The following TEX15 variants were observed in gnomAD, a reference collection of about 807,000 sequenced individuals.
The protein encoded by TEX15 is testis expressed 15, meiosis and synapsis associated.
A neutral mutation model predicts 237.3 loss-of-function variants in TEX15; 171 were observed. That is an observed-to-expected ratio of 0.72 (90% CI 0.64 to 0.82). The LOEUF (loss-of-function observed/expected upper bound fraction) is 0.82, where lower values mean the gene tolerates loss of function less well. TEX15 is among the 40% of genes least tolerant of loss of function. The pLI is 0.00. For missense variants in TEX15, 3,750 were observed against 3,646.5 expected (o/e 1.03, Z -0.73); for synonymous variants, 1,338 against 1,269.8 (o/e 1.05, Z -1.14).
chr8:30,852,255 G>A (rs1381216226), intron 7 of TEX15, among the ~76,000 whole-genome samples: 2 of 151,536 alleles, frequency 1.3e-5, no homozygotes, highest in African/African-American at 2.4e-5. Context: ...ACAGGCGTCC[G>A]CCACCACGCC....
intron 1 of TEX15, among the ~76,000 whole-genome samples, chr8:30,906,076 A>G (rs1809097389): frequency 1.3e-5 from 2 of 152,244 alleles, no homozygotes; most frequent in South Asian, 2.1e-4. Flanking sequence ...CTCTTCTGCT[A>G]TATTGATTAC....
Position 30,843,600 on chromosome 8 carries a change from AAAATC to A in TEX15, c.6562_6566del (p.Asp2188PhefsTer11). The A allele has an allele frequency of 6.2e-7, 1 of 1,613,028 alleles. No individual in the cohort carries two copies. Among genetic ancestry groups the A allele is most frequent in the Admixed American group, 1.7e-5 (1 of 59,970 alleles). On this transcript the variant is annotated frameshift_variant, in exon 8 of 11. Coordinates refer to ENST00000643185, the MANE Select transcript of TEX15 (RefSeq NM_001350162.2). LOFTEE classifies it high-confidence loss of function. ...CACAGGTAAATGGAACAGAAAGAGA[AAAATC>A]AAAGCAATCGGAACAATGCTCCATT...
At position 30,844,003 on chromosome 8, in the gene TEX15, TG is replaced by T. The variant is rs747203089; in HGVS notation, c.6163del (p.Gln2055LysfsTer11). The T allele has an allele frequency of 1.2e-6, 2 of 1,612,644 alleles. No individual in the cohort carries two copies. The highest frequency in any genetic ancestry group is 1.7e-6 in the Non-Finnish European group (2 of 1,179,452). ...GTGTTTGCAATTATTCCACAGGTTT[TG>T]GTCTACCAACAGTTCTCTTGAAATC... ...ILISRELLVD[Q>X]NLWNNCKHTL... On this transcript the variant is annotated frameshift_variant, in exon 8 of 11. Coordinates refer to ENST00000643185, the MANE Select transcript of TEX15 (RefSeq NM_001350162.2). LOFTEE classifies it high-confidence loss of function.
intron 2 of TEX15, among the ~76,000 whole-genome samples, chr8:30,895,335 A>G (rs547515010): frequency 6.6e-6 from 1 of 150,912 alleles, no homozygotes; most frequent in African/African-American, 2.4e-5. Context: ...CTGTCAACAA[A>G]TGACTGCTGA....
intron 7 of TEX15, among the ~76,000 whole-genome samples, chr8:30,852,286 T>A (rs1807805813): frequency 6.6e-6 from 1 of 151,582 alleles, no homozygotes; most frequent in African/African-American, 2.4e-5. Flanking sequence ...TTTGTATTTT[T>A]AGTAGAGACA....
chr8:30,884,704 T>C (rs1332572785), intron 3 of TEX15, among the ~76,000 whole-genome samples: 1 of 152,174 alleles, frequency 6.6e-6, no homozygotes, highest in African/African-American at 2.4e-5. Flanking sequence ...ATATCAGTAA[T>C]CTGTGCTCCC....
At chr8:30,850,896 A>G (rs775409300) in intron 7 of TEX15, among the ~76,000 whole-genome samples, 2 of 152,190 alleles carry the variant, frequency 1.3e-5, no homozygotes, top group Non-Finnish European at 2.9e-5. Flanking sequence ...GTCAACAAAC[A>G]CAAAAAGATG....
At position 30,845,724 on chromosome 8, in the gene TEX15, A is replaced by G. The variant is rs1807587121; in HGVS notation, c.4443T>C (p.Ser1481=). The G allele has an allele frequency of 3.7e-6, 6 of 1,613,352 alleles. No individual in the cohort carries two copies. The highest frequency in any genetic ancestry group is 1.3e-5 in the African/African-American group (1 of 74,824). Residue 1481 remains serine (S), a synonymous_variant, in exon 8 of 11, where the codon AGT becomes AGC. Transcript: ENST00000643185. ...HVSKHKSYKT[S]GEKKCLSRKS... is the part of the protein sequence containing the mutation. The stretch of plus-strand genomic sequence containing the variant: ...TCCTAGAAAGGCATTTTTTCTCTCC[A>G]CTTGTTTTATAAGACTTGTGCTTTG...
chr8:30,892,091 A>G (rs914137583), intron 2 of TEX15, among the ~76,000 whole-genome samples: 2 of 152,230 alleles, frequency 1.3e-5, no homozygotes, highest in African/African-American at 4.8e-5. Flanking sequence ...CCAAGATCAT[A>G]AAGATATCCC....
intron 10 of TEX15, among the ~76,000 whole-genome samples, chr8:30,834,646 C>T (rs1408151489): frequency 2.0e-5 from 3 of 152,098 alleles, no homozygotes; most frequent in South Asian, 4.1e-4. Context: ...TACAGAAGTA[C>T]GAGAGAGATT....
chr8:30,842,303 T>C lies in TEX15; in HGVS notation c.7864A>G (p.Met2622Val). Residue 2622 changes from methionine to valine, a missense_variant, in exon 8 of 11, where the codon ATG becomes GTG. By Grantham distance (21) the Met-to-Val change is conservative. Coordinates refer to ENST00000643185, the MANE Select transcript of TEX15 (RefSeq NM_001350162.2). ...GCATTTTTAGTACATATCATCTTCATATGTTCAATCGTTTTCATGACTTTC... is the reference window on the plus strand; with the variant it reads ...GCATTTTTAGTACATATCATCTTCACATGTTCAATCGTTTTCATGACTTTC... ...IRKVMKTIEH[M>V]KMICTKNAEL... 7 of 1,613,864 alleles carry C rather than the reference T, an allele frequency of 4.3e-6. No homozygotes were observed. The highest frequency in any genetic ancestry group is 3.4e-6 in the Non-Finnish European group (4 of 1,179,888).
At chr8:30,909,394 A>ACCCCCCCCCCCCCCCCCCCCCCC (rs35046956) in intron 1 of TEX15, among the ~76,000 whole-genome samples, 10 of 118,334 alleles carry the variant, frequency 8.5e-5, no homozygotes, top group South Asian at 2.9e-4. Context: ...TTAAAGACAG[A>ACCCCCCCCCCCCCCCCCCCCCCC]CCCCCCCCCG....
chr8:30,886,967 T>C (rs1394112905), intron 3 of TEX15, 200 bp downstream of exon 3: 2 of 430,730 alleles, frequency 4.6e-6, no homozygotes, highest in African/African-American at 2.0e-5. Flanking sequence ...CCAGGGTTTT[T>C]AGGTGTACTT....
chr8:30,911,098 A>G (rs191156350), intron 1 of TEX15, among the ~76,000 whole-genome samples: 2 of 152,224 alleles, frequency 1.3e-5, no homozygotes, highest in Admixed American at 1.3e-4. Flanking sequence ...ACTCAACGAC[A>G]TTTTAATTAA....
Position 30,833,335 on chromosome 8 carries a change from A to G in TEX15, c.9482-12T>C. On this transcript the variant is annotated splice_polypyrimidine_tract_variant and intron_variant, in intron 10 of 10. Transcript: ENST00000643185. ...TTGGTGCCATGGAGCTGGAAGAAAA[A>G]ACACCACAAAGATTTAAATAAATAA... 6.3e-7 allele frequency: 1 copy of G among 1,583,732 alleles called. No homozygotes were observed. The highest frequency in any genetic ancestry group is 1.1e-5 in the South Asian group (1 of 87,104).
chr8:30,884,758 T>C (rs906144433), intron 3 of TEX15, among the ~76,000 whole-genome samples: 31 of 152,176 alleles, frequency 2.0e-4, no homozygotes, highest in African/African-American at 7.5e-4. Context: ...TCAACTTTAC[T>C]GATCTTTTCA....
chr8:30,911,574 T>A (rs866444336), intron 1 of TEX15, among the ~76,000 whole-genome samples: 4 of 152,168 alleles, frequency 2.6e-5, no homozygotes, highest in Admixed American at 1.3e-4. Context: ...AGCCCCATAT[T>A]CACCCATCAC....
rs1438630908 is a variant in TEX15 at position 30,842,090 on chromosome 8, T to C, written c.8077A>G (p.Lys2693Glu). The C allele has an allele frequency of 3.1e-6, 5 of 1,613,762 alleles. No homozygotes were observed. The highest frequency in any genetic ancestry group is 3.4e-6 in the Non-Finnish European group (4 of 1,179,842). ...CINKNISNSS[K>E]KRPSTVDKCE... ...TTGTCTACAGTGCTCGGTCGTTTTT[T>C]AGAGGAATTTGAGATGTTTTTGTTT... The change falls in exon 8 of 11, where the codon AAA (lysine) becomes GAA (glutamate). Residue 2693 changes from lysine to glutamate, a missense_variant. By Grantham distance (56) the Lys-to-Glu change is moderately conservative. Transcript: ENST00000643185.
Position 30,844,125 on chromosome 8 carries a change from C to A in TEX15, c.6042G>T (p.Gln2014His). 1.9e-6 allele frequency: 3 copies of A among 1,613,316 alleles called. No individual in the cohort carries two copies. The highest frequency in any genetic ancestry group is 1.7e-6 in the Non-Finnish European group (2 of 1,179,564). The change falls in exon 8 of 11, where the codon CAG becomes CAT. Residue 2014 changes from glutamine to histidine, a missense_variant. Physicochemically the swap from Gln to His is conservative, Grantham distance 24. Coordinates refer to ENST00000643185, the MANE Select transcript of TEX15 (RefSeq NM_001350162.2). Reference sequence around the variant, plus strand: ...AAACCTTAGTTTCTTCCTGTAGAATCTGCAAAGATGATGCTTCATCTGCCC... The same window carrying A: ...AAACCTTAGTTTCTTCCTGTAGAATATGCAAAGATGATGCTTCATCTGCCC... ...LQRADEASSLQILQEETKVCL... is the reference protein window; with the variant it reads ...LQRADEASSLHILQEETKVCL...
Sources: gnomAD v4.1 joint callset for allele counts (sites outside exome capture counted in the v4.1 genomes callset) on GRCh38, gnomAD v4.1.1 for gene constraint, MANE v1.5 for transcripts, NCBI Gene and HGNC (gene_info 2026-07-23, HGNC 2026-07-21) for gene names.